Variants in RBFOX1 observed in about 807,000 individuals in gnomAD.
RBFOX1 encodes RNA binding protein fox-1 homolog 1.
RBFOX1 carries 8 observed loss-of-function variants against 57.7 expected under a neutral mutation model. That is an observed-to-expected ratio of 0.14 (90% confidence interval 0.08 to 0.25). The LOEUF is 0.25. Among genes scored for constraint, RBFOX1 ranks in the 10% least tolerant of loss-of-function variants. The pLI, the probability that RBFOX1 is intolerant of heterozygous loss-of-function variation, is 1.00. For missense variants in RBFOX1, 611 were observed against 548.5 expected (o/e 1.11, Z -1.14); for synonymous variants, 326 against 222.4 (o/e 1.47, Z -4.15).
chr16:6,013,472 T>A (rs995482348), intron 4 of RBFOX1, among the ~76,000 whole-genome samples: 5 of 152,140 alleles, frequency 3.3e-5, no homozygotes, highest in South Asian at 2.1e-4. Context: ...TCCACCCTCA[T>A]GATCATGAAT....
intron 4 of RBFOX1, among the ~76,000 whole-genome samples, chr16:7,226,743 G>A (rs908890443): frequency 6.6e-6 from 1 of 152,166 alleles, no homozygotes; most frequent in African/African-American, 2.4e-5. Context: ...TAATCAAGAG[G>A]ACTGGTAGGA....
At chr16:7,180,131 G>T (rs2082415463) in intron 4 of RBFOX1, among the ~76,000 whole-genome samples, 1 of 152,236 alleles carries the variant, frequency 6.6e-6, no homozygotes, top group South Asian at 2.1e-4. Context: ...ATGGTGAATA[G>T]TGTGTTAGCC....
At chr16:6,313,014 G>T (rs2080562777) in intron 1 of RBFOX1, among the ~76,000 whole-genome samples, 1 of 152,116 alleles carries the variant, frequency 6.6e-6, no homozygotes, top group Non-Finnish European at 1.5e-5. Flanking sequence ...GGCTCTTAAA[G>T]CCATGTGGTC....
At chr16:5,730,847 C>T (rs1179453586) in intron 3 of RBFOX1, among the ~76,000 whole-genome samples, 1 of 152,126 alleles carries the variant, frequency 6.6e-6, no homozygotes, top group East Asian at 1.9e-4. Context: ...TCATCATTGT[C>T]ATTATCACTA....
At chr16:7,132,744 C>T (rs903927575) in intron 4 of RBFOX1, among the ~76,000 whole-genome samples, 2 of 152,048 alleles carry the variant, frequency 1.3e-5, no homozygotes, top group African/African-American at 2.4e-5. Context: ...AAGACAAATA[C>T]TGCATGATTT....
chr16:5,721,953 C>G (rs752489777), intron 3 of RBFOX1, among the ~76,000 whole-genome samples: 15 of 152,172 alleles, frequency 9.9e-5, no homozygotes, highest in Non-Finnish European at 1.6e-4. Context: ...AGAAAGCTAC[C>G]TGGAAGGTCT....
At chr16:6,062,509 A>G (rs1011250814) in intron 1 of RBFOX1, among the ~76,000 whole-genome samples, 12 of 151,286 alleles carry the variant, frequency 7.9e-5, no homozygotes, top group African/African-American at 2.7e-4. Flanking sequence ...AACCACATAC[A>G]TATTTCTTAT....
chr16:7,470,314 T>A (rs565548078), intron 4 of RBFOX1, among the ~76,000 whole-genome samples: 2 of 152,356 alleles, frequency 1.3e-5, no homozygotes, highest in African/African-American at 4.8e-5. Context: ...CACCATTGTT[T>A]CCCTATGATG....
intron 1 of RBFOX1, among the ~76,000 whole-genome samples, chr16:5,263,439 T>C (rs994037167): frequency 2.0e-5 from 3 of 150,846 alleles, no homozygotes; most frequent in Non-Finnish European, 4.4e-5. Context: ...GGGTAATGAC[T>C]TGAGGGCATA....
At chr16:7,426,784 C>T (rs536659700) in intron 4 of RBFOX1, among the ~76,000 whole-genome samples, 61 of 152,256 alleles carry the variant, frequency 4.0e-4, no homozygotes, top group Non-Finnish European at 6.3e-4. Context: ...CAGGAGACTA[C>T]ACCTACAGGG....
At chr16:6,904,599 T>TAAAAAA (rs71147623) in intron 3 of RBFOX1, among the ~76,000 whole-genome samples, 28 of 63,996 alleles carry the variant, frequency 4.4e-4, no homozygotes, top group East Asian at 9.6e-4. Flanking sequence ...AGACTCTCTC[T>TAAAAAA]AAAAAAAAAA....
chr16:7,646,075 C>A (rs1187494259), intron 11 of RBFOX1, among the ~76,000 whole-genome samples: 2 of 151,906 alleles, frequency 1.3e-5, no homozygotes, highest in Non-Finnish European at 2.9e-5. Flanking sequence ...TAATTTAAGG[C>A]CATTTAAAGA....
In RBFOX1 at chr16:7,508,358, G is replaced by C. The variant is rs181586992; in HGVS notation, c.28-9789G>C. Among the ~76,000 whole-genome samples, 31 of 152,200 alleles carry C rather than the reference G, an allele frequency of 2.0e-4. No individual in the cohort carries two copies. The East Asian group carries it at 4.7e-3, about 23-fold the overall frequency. ...TAATGCTTTCACCAGGGAATTGTCC[G>C]TCTTGGTCTTGTCTCTCTTTCCAAG... On this transcript the variant is annotated intron_variant, in intron 4 of 15. Transcript: ENST00000550418.
chr16:5,754,076 A>C (rs545892208), intron 3 of RBFOX1, among the ~76,000 whole-genome samples: 19 of 152,330 alleles, frequency 1.2e-4, no homozygotes, highest in Admixed American at 7.2e-4. Context: ...AACTACCTGC[A>C]TGACACTTTG....
At chr16:5,851,719 C>T (rs755399134) in intron 3 of RBFOX1, among the ~76,000 whole-genome samples, 17 of 152,088 alleles carry the variant, frequency 1.1e-4, no homozygotes, top group Admixed American at 1.3e-4. Flanking sequence ...ATTTTGGCTC[C>T]GTAAATACTG....
intron 3 of RBFOX1, among the ~76,000 whole-genome samples, chr16:6,914,504 C>A (rs578178143): frequency 1.0e-3 from 159 of 152,086 alleles, no homozygotes; most frequent in Non-Finnish European, 1.4e-3. Flanking sequence ...ACCTGAGCCA[C>A]CTTTGATAAG....
intron 2 of RBFOX1, among the ~76,000 whole-genome samples, chr16:6,431,603 A>G (rs1445439147): frequency 1.3e-5 from 2 of 152,034 alleles, no homozygotes; most frequent in Non-Finnish European, 2.9e-5. Context: ...TACAAAGATG[A>G]TGCTGGGGGT....
At chr16:7,222,334 G>C (rs900703492) in intron 4 of RBFOX1, among the ~76,000 whole-genome samples, 2 of 152,158 alleles carry the variant, frequency 1.3e-5, no homozygotes, top group African/African-American at 2.4e-5. Context: ...GTCTCATGTT[G>C]GCTATATAGG....
chr16:6,909,269 T>G (rs6500869), intron 3 of RBFOX1, among the ~76,000 whole-genome samples: 122,795 of 152,048 alleles, frequency 0.81, 50,390 homozygotes, highest in African/African-American at 0.95. Context: ...AAAGCCAGCA[T>G]TGTGGCCTTC....
Sources: gnomAD v4.1 joint callset for allele counts (sites outside exome capture counted in the v4.1 genomes callset) on GRCh38, gnomAD v4.1.1 for gene constraint, MANE v1.5 for transcripts, NCBI Gene and HGNC (gene_info 2026-07-23, HGNC 2026-07-21) for gene names.